DIAPH3: variants seen among roughly 807,000 people sequenced by gnomAD.
The protein encoded by DIAPH3 is diaphanous related formin 3.
A neutral mutation model predicts 144.3 loss-of-function variants in DIAPH3; 117 were observed. The ratio of observed to expected loss-of-function variants is 0.81; its 90% CI spans 0.70 to 0.95. DIAPH3 has a LOEUF of 0.95. DIAPH3 is among the 40% of genes least tolerant of loss of function. The probability of loss-of-function intolerance (pLI) is 0.00; values close to 1 mark genes in which losing one functional copy is unlikely to be tolerated. For synonymous variants in DIAPH3, 519 were observed against 488.9 expected, an observed-to-expected ratio of 1.06 and a Z score of -0.81; for missense variants, 1,421 against 1,412.7, an observed-to-expected ratio of 1.01 and a Z score of -0.09.
At chr13:59,848,410 C>T (rs555546369) in intron 22 of DIAPH3, among the ~76,000 whole-genome samples, 286 of 151,278 alleles carry the variant, frequency 1.9e-3, no homozygotes, top group Non-Finnish European at 3.7e-3. Context: ...TGGTGCGCTG[C>T]ACCCACTAAC....
At chr13:60,070,043 G>A (rs1057192249) in intron 4 of DIAPH3, among the ~76,000 whole-genome samples, 3 of 152,046 alleles carry the variant, frequency 2.0e-5, no homozygotes, top group African/African-American at 7.2e-5. Flanking sequence ...GATAGGAATA[G>A]CACTGAATCT....
Position 59,810,871 on chromosome 13 carries a change from C to A in DIAPH3, c.3080G>T (p.Arg1027Leu). The change falls in exon 25 of 28, where the codon CGT becomes CTT. Residue 1027 changes from arginine (R) to leucine (L), a missense_variant. By Grantham distance (102) the Arg-to-Leu change is moderately radical. Transcript: ENST00000400324. Reference sequence around the variant, plus strand: ...TGCTAATTCTTTAGCTATTCTGACACGTTTTTCTTTTTCCTCTGCTTCTCT... The same window carrying A: ...TGCTAATTCTTTAGCTATTCTGACAAGTTTTTCTTTTTCCTCTGCTTCTCT... The part of the protein sequence containing the change: ...KKREAEEKEK[R>L]VRIAKELAER... 2 of 1,612,868 alleles carry A rather than the reference C, an allele frequency of 1.2e-6. No individual in the cohort carries two copies. Among genetic ancestry groups the A allele is most frequent in the Non-Finnish European group, 1.7e-6 (2 of 1,179,738 alleles).
At position 60,163,862 on chromosome 13, in the gene DIAPH3, T is replaced by A. The variant is rs1488469064; in HGVS notation, c.-96A>T. 1.4e-6 allele frequency: 2 copies of A among 1,466,476 alleles called. No individual in the cohort carries two copies. Among genetic ancestry groups the A allele is most frequent in the Non-Finnish European group, 1.8e-6 (2 of 1,094,738 alleles). 90.8% of individuals were successfully genotyped at this position (1,466,476 alleles called of 1,614,324 possible). On this transcript the variant is annotated 5_prime_UTR_variant, in exon 1 of 28. Coordinates refer to ENST00000400324, the MANE Select transcript of DIAPH3 (RefSeq NM_001042517.2). ...TCGACAACAGGTTTTACTCCCGGGG[T>A]CCGCCACCCAAACAGTCAGCACAGC...
At chr13:60,119,760 A>T (rs866717134) in intron 2 of DIAPH3, among the ~76,000 whole-genome samples, 34 of 151,128 alleles carry the variant, frequency 2.2e-4, no homozygotes, top group African/African-American at 8.2e-4. Context: ...AAAAAAAAAA[A>T]AAAAAAAAAA....
intron 4 of DIAPH3, among the ~76,000 whole-genome samples, chr13:60,066,451 C>G (rs906731268): frequency 6.6e-6 from 1 of 152,034 alleles, no homozygotes; most frequent in Non-Finnish European, 1.5e-5. Flanking sequence ...TTCTCAGTAA[C>G]GCAAAAACAG....
At chr13:59,679,656 A>G (rs1263548701) in intron 27 of DIAPH3, among the ~76,000 whole-genome samples, 1 of 152,244 alleles carries the variant, frequency 6.6e-6, no homozygotes. Flanking sequence ...TTTCACATAC[A>G]TCCTCTTAAA....
intron 27 of DIAPH3, among the ~76,000 whole-genome samples, chr13:59,707,320 TGTA>T (rs2034485607): frequency 6.6e-6 from 1 of 152,188 alleles, no homozygotes; most frequent in African/African-American, 2.4e-5. Flanking sequence ...GTACATTAAA[TGTA>T]GTACGCTGGC....
intron 4 of DIAPH3, among the ~76,000 whole-genome samples, chr13:60,063,503 C>T (rs2056846697): frequency 6.6e-6 from 1 of 152,148 alleles, no homozygotes; most frequent in African/African-American, 2.4e-5. Flanking sequence ...AGAAGGTTTT[C>T]CATGAGAGGA....
intron 24 of DIAPH3, among the ~76,000 whole-genome samples, chr13:59,818,590 C>T (rs2040904799): frequency 6.6e-6 from 1 of 151,682 alleles, no homozygotes; most frequent in African/African-American, 2.4e-5. Context: ...CTATGGATTG[C>T]TGATCTGGAA....
At chr13:59,859,746 G>T (rs1231290642) in intron 22 of DIAPH3, among the ~76,000 whole-genome samples, 1 of 151,974 alleles carries the variant, frequency 6.6e-6, no homozygotes, top group Admixed American at 6.6e-5. Flanking sequence ...ATTTCCCTGA[G>T]GTAAAAGTTA....
intron 4 of DIAPH3, among the ~76,000 whole-genome samples, chr13:60,076,678 T>G (rs759151752): frequency 6.6e-6 from 1 of 152,152 alleles, no homozygotes; most frequent in Non-Finnish European, 1.5e-5. Flanking sequence ...CTAAATTTTC[T>G]GCAACAATGA....
At chr13:60,162,809 T>TCTCTCTCTCACACACA (rs1555388530) in intron 1 of DIAPH3, among the ~76,000 whole-genome samples, 3 of 122,424 alleles carry the variant, frequency 2.5e-5, no homozygotes. Flanking sequence ...TCTCTCTCTC[T>TCTCTCTCTCACACACA]CACACACACA....
At chr13:59,957,165 G>C (rs761655944) in intron 17 of DIAPH3, among the ~76,000 whole-genome samples, 2 of 152,082 alleles carry the variant, frequency 1.3e-5, no homozygotes, top group African/African-American at 4.8e-5. Context: ...AGACATGATT[G>C]GTTTTGAAAT....
rs370829772 is a variant in DIAPH3 at position 59,686,902 on chromosome 13, A to C, written c.3320-20056T>G. 6.6e-5 allele frequency among the ~76,000 whole-genome samples: 10 copies of C among 152,214 alleles called. No homozygotes were observed. The South Asian group carries it at 1.5e-3, about 22-fold the overall frequency. On this transcript the variant is annotated intron_variant, in intron 27 of 27. Coordinates refer to ENST00000400324, the MANE Select transcript of DIAPH3 (RefSeq NM_001042517.2). ...AACATTGCAAACACCAGAAGCTTTCATGGTCTTTGACAAGTCATGGTATAT... is the reference window on the plus strand; with the variant it reads ...AACATTGCAAACACCAGAAGCTTTCCTGGTCTTTGACAAGTCATGGTATAT...
At chr13:59,733,924 T>C (rs1293847115) in intron 27 of DIAPH3, among the ~76,000 whole-genome samples, 1 of 152,222 alleles carries the variant, frequency 6.6e-6, no homozygotes, top group African/African-American at 2.4e-5. Context: ...ATCTATGGCA[T>C]GATTAGTATG....
At chr13:60,114,660 C>CAT (rs2058656827) in intron 2 of DIAPH3, among the ~76,000 whole-genome samples, 2 of 151,750 alleles carry the variant, frequency 1.3e-5, no homozygotes, top group Admixed American at 1.3e-4. Context: ...CACACACACA[C>CAT]ACACACACAC....
chr13:59,966,820 A>G (rs1351780516), intron 17 of DIAPH3, among the ~76,000 whole-genome samples: 1 of 152,158 alleles, frequency 6.6e-6, no homozygotes, highest in African/African-American at 2.4e-5. Flanking sequence ...CTCGGTTCTC[A>G]GTCCAAACAG....
At chr13:59,820,216 T>G (rs577889180) in intron 24 of DIAPH3, among the ~76,000 whole-genome samples, 5 of 151,922 alleles carry the variant, frequency 3.3e-5, no homozygotes, top group Non-Finnish European at 4.4e-5. Flanking sequence ...TATAAGAATA[T>G]GAATGCTTTC....
Position 59,774,210 on chromosome 13 carries a change from C to T in DIAPH3, c.3298G>A (p.Val1100Ile). 3 of 1,612,970 alleles carry T rather than the reference C, an allele frequency of 1.9e-6. No homozygotes were observed. The highest frequency in any genetic ancestry group is 1.7e-6 in the Non-Finnish European group (2 of 1,179,686). ...QSLSPMSQRP[V>I]LKVCNHENQK... The stretch of plus-strand genomic sequence containing the variant: ...TTACCATGGTTACAAACTTTCAGAA[C>T]AGGCCTCTGAGACATTGGACTGAGA... Residue 1100 changes from valine (V) to isoleucine (I), a missense_variant, in exon 27 of 28, where the codon GTT (valine) becomes ATT (isoleucine). Physicochemically the swap from Val to Ile is conservative, Grantham distance 29. Coordinates refer to ENST00000400324, the MANE Select transcript of DIAPH3 (RefSeq NM_001042517.2).
Sources: allele counts gnomAD v4.1 joint callset (sites outside exome capture counted in the v4.1 genomes callset), GRCh38; gene constraint gnomAD v4.1.1; transcripts MANE v1.5; gene names NCBI Gene and HGNC (gene_info 2026-07-23, HGNC 2026-07-21).